Variants in USP28 observed in about 807,000 individuals in gnomAD.
USP28 encodes ubiquitin carboxyl-terminal hydrolase 28.
Under a neutral mutation model 145.0 loss-of-function variants are expected in USP28, and 113 were observed. The ratio of observed to expected loss-of-function variants is 0.78; its 90% CI spans 0.67 to 0.91. The LOEUF is 0.91. Ranked by LOEUF, USP28 falls within the 40% of genes least tolerant of loss-of-function variation. The probability of loss-of-function intolerance (pLI) is 0.00; values close to 1 mark genes in which losing one functional copy is unlikely to be tolerated. For synonymous variants in USP28, 447 were observed against 450.9 expected, an observed-to-expected ratio of 0.99 and a Z score of 0.11; for missense variants, 1,201 against 1,289.6, an observed-to-expected ratio of 0.93 and a Z score of 1.05.
chr11:113,836,682 C>G lies in USP28; in HGVS notation c.535-2347G>C, dbSNP rs573690202. On this transcript the variant is annotated intron_variant, in intron 5 of 24. Transcript: ENST00000003302. ...AGGGCTACCAGTCCAGTCCGAGTCACCATCACTCTTCATGGATGACAGCCA... is the reference window on the plus strand; with the variant it reads ...AGGGCTACCAGTCCAGTCCGAGTCAGCATCACTCTTCATGGATGACAGCCA... 3.5e-3 allele frequency among the ~76,000 whole-genome samples: 537 copies of G among 152,270 alleles called. 2 individuals are homozygous for G. Among genetic ancestry groups the G allele is most frequent in the Non-Finnish European group, 5.5e-3 (372 of 68,020 alleles).
At chr11:113,842,402 G>A (rs539076986) in intron 3 of USP28, among the ~76,000 whole-genome samples, 6 of 151,866 alleles carry the variant, frequency 4.0e-5, no homozygotes, top group East Asian at 1.9e-4. Context: ...TGGCTAACAC[G>A]GTGAAACCCC....
intron 11 of USP28, among the ~76,000 whole-genome samples, chr11:113,826,928 A>AC (rs1042623544): frequency 6.6e-6 from 1 of 151,806 alleles, no homozygotes; most frequent in Non-Finnish European, 1.5e-5. Context: ...TCAAAAAAAA[A>AC]AAAAAACAAA....
intron 5 of USP28, among the ~76,000 whole-genome samples, chr11:113,836,818 C>G (rs1442922718): frequency 6.6e-6 from 1 of 152,124 alleles, no homozygotes; most frequent in Non-Finnish European, 1.5e-5. Flanking sequence ...TGGGGACTTT[C>G]AGTAACTCCC....
chr11:113,803,426 T>C (rs558298421), intron 22 of USP28, 145 bp from the exon 24 acceptor site: 5 of 946,514 alleles, frequency 5.3e-6, no homozygotes, highest in Non-Finnish European at 7.5e-6. Context: ...GTCTCATCTC[T>C]TCTACAAATT....
At position 113,848,494 on chromosome 11, in the gene USP28, T is replaced by C. The variant is rs530498674; in HGVS notation, c.268+4007A>G. Among the ~76,000 whole-genome samples, 13 of 152,176 alleles carry C rather than the reference T, an allele frequency of 8.5e-5. No individual in the cohort carries two copies. The East Asian group carries it at 2.5e-3, about 29-fold the overall frequency. ...GTGGTGAAGGGGTCAGGGTGTGGAG[T>C]AGAAACCTTTCTGGGGCTTCGTGAC... On this transcript the variant is annotated intron_variant, in intron 3 of 24. Transcript: ENST00000003302.
At chr11:113,813,497 T>A (rs573625482) in intron 15 of USP28, among the ~76,000 whole-genome samples, 1 of 152,224 alleles carries the variant, frequency 6.6e-6, no homozygotes, top group African/African-American at 2.4e-5. Context: ...CTTGAACGCA[T>A]GTTGTTAAAT....
chr11:113,857,303 T>C (rs1467477214), intron 1 of USP28, among the ~76,000 whole-genome samples: 1 of 152,188 alleles, frequency 6.6e-6, no homozygotes. Context: ...CCCTTCTGGG[T>C]TGCATAAAGC....
chr11:113,875,418 G>C (rs1284482802), intron 1 of USP28, 27 bp downstream of exon 1: 8 of 1,234,856 alleles, frequency 6.5e-6, no homozygotes, highest in Non-Finnish European at 8.1e-6. Flanking sequence ...CCCGCCCCCA[G>C]CTCCCGCTCG....
At chr11:113,808,067 G>A in intron 18 of USP28, 1 of 1,378,674 alleles carries the variant, frequency 7.3e-7, no homozygotes, top group Non-Finnish European at 9.4e-7. Context: ...TTAGCCTTTG[G>A]GGGCTGTTCT....
intron 12 of USP28, 71 bp from the exon 13 acceptor site, chr11:113,817,908 T>A: frequency 6.6e-7 from 1 of 1,522,994 alleles, no homozygotes. Context: ...TGACAAAAGA[T>A]CTGTTTATCA....
intron 3 of USP28, among the ~76,000 whole-genome samples, chr11:113,847,444 G>A (rs542173977): frequency 1.4e-3 from 193 of 138,116 alleles, no homozygotes; most frequent in African/African-American, 4.8e-3. Context: ...TGCAAGAAAC[G>A]GGACGGGGGT....
At chr11:113,867,525 A>C (rs1325096291) in intron 1 of USP28, among the ~76,000 whole-genome samples, 1 of 151,646 alleles carries the variant, frequency 6.6e-6, no homozygotes, top group Non-Finnish European at 1.5e-5. Flanking sequence ...ACCCAGCCCC[A>C]CTTTAAAATA....
chr11:113,831,769 G>T, intron 8 of USP28, 151 bp downstream of exon 8: 1 of 558,898 alleles, frequency 1.8e-6, no homozygotes, highest in Non-Finnish European at 3.0e-6. Context: ...AAGGCGACAG[G>T]GATACATGAT....
intron 1 of USP28, chr11:113,874,946 A>C: frequency 2.9e-4 from 112 of 382,334 alleles, no homozygotes; most frequent in Non-Finnish European, 3.7e-4. Context: ...GTTGGGAGGG[A>C]GGGAAGTGGT....
intron 23 of USP28, among the ~76,000 whole-genome samples, 194 bp downstream of exon 24, chr11:113,802,964 C>T (rs999627331): frequency 6.6e-6 from 1 of 152,114 alleles, no homozygotes; most frequent in Non-Finnish European, 1.5e-5. Context: ...TATCAGTTAT[C>T]ATTGAAGAAG....
At chr11:113,849,991 G>T (rs1474306033) in intron 3 of USP28, among the ~76,000 whole-genome samples, 1 of 152,152 alleles carries the variant, frequency 6.6e-6, no homozygotes, top group African/African-American at 2.4e-5. Context: ...TGAGCCGTTT[G>T]ACTCTCCCCT....
chr11:113,873,620 T>A (rs758126913), intron 1 of USP28, among the ~76,000 whole-genome samples: 1 of 152,234 alleles, frequency 6.6e-6, no homozygotes, highest in Admixed American at 6.5e-5. Context: ...TCCCTTAAAA[T>A]AGTCTCTTCT....
At chr11:113,856,586 CAA>C (rs1947071687) in intron 1 of USP28, among the ~76,000 whole-genome samples, 1 of 152,166 alleles carries the variant, frequency 6.6e-6, no homozygotes, top group African/African-American at 2.4e-5. Context: ...TAACTTTACA[CAA>C]AGTTACTGCT....
chr11:113,864,278 A>G (rs1591489835), intron 1 of USP28, among the ~76,000 whole-genome samples: 1 of 152,194 alleles, frequency 6.6e-6, no homozygotes, highest in East Asian at 1.9e-4. Flanking sequence ...GAAGTTAAAG[A>G]CCTAAATAAA....
Sources: gnomAD v4.1 joint callset for allele counts (sites outside exome capture counted in the v4.1 genomes callset) on GRCh38, gnomAD v4.1.1 for gene constraint, MANE v1.5 for transcripts, NCBI Gene and HGNC (gene_info 2026-07-23, HGNC 2026-07-21) for gene names.